Variants in PEPD observed in about 807,000 individuals in gnomAD.
PEPD encodes xaa-Pro dipeptidase.
Under a neutral mutation model 60.7 loss-of-function variants are expected in PEPD, and 53 were observed. The observed-to-expected ratio is 0.87, with a 90% CI of 0.70 to 1.10. The LOEUF is 1.10. PEPD is among the 50% of genes least tolerant of loss of function. The pLI is 0.00. For synonymous variants in PEPD, 267 were observed against 284.1 expected, an observed-to-expected ratio of 0.94 and a Z score of 0.60; for missense variants, 711 against 711.9, an observed-to-expected ratio of 1.00 and a Z score of 0.01.
chr19:33,413,214 C>T (rs545491014), intron 10 of PEPD, among the ~76,000 whole-genome samples: 34 of 152,368 alleles, frequency 2.2e-4, no homozygotes, highest in African/African-American at 7.9e-4. Flanking sequence ...AGCTGCCCAG[C>T]CTGAGCTCAC....
intron 4 of PEPD, among the ~76,000 whole-genome samples, chr19:33,498,959 A>G (rs1970659783): frequency 6.6e-6 from 1 of 152,174 alleles, no homozygotes; most frequent in Non-Finnish European, 1.5e-5. Context: ...AGAGACCTGA[A>G]GGGTCAAGGT....
At chr19:33,396,817 GGAGCTCCAGGGTGGCTGCAGGGACT>G (rs1379935050) in intron 12 of PEPD, among the ~76,000 whole-genome samples, 3 of 152,116 alleles carry the variant, frequency 2.0e-5, no homozygotes, top group Non-Finnish European at 2.9e-5. Flanking sequence ...GGGGTCCTCT[GGAGCTCCAGGGTGGCTGCAGGGACT>G]GAGCCCGCGG....
In PEPD at chr19:33,493,299, G is replaced by A. The variant is rs750044618; in HGVS notation, c.432C>T (p.Leu144=). Residue 144 remains leucine, a synonymous_variant, in exon 5 of 15, where the codon CTC becomes CTT. Coordinates refer to ENST00000244137, the MANE Select transcript of PEPD (RefSeq NM_000285.4). ...GACACCAGCCACTTACCAAAGTGAGGAGGACAGAGGGCTTCTGTGACGTCA... is the reference window on the plus strand; with the variant it reads ...GACACCAGCCACTTACCAAAGTGAGAAGGACAGAGGGCTTCTGTGACGTCA... ...SVLTSQKPSV[L]LTLRGVNTDS... 1.4e-5 allele frequency: 23 copies of A among 1,613,098 alleles called. No individual in the cohort carries two copies. The highest frequency in any genetic ancestry group is 2.2e-5 in the East Asian group (1 of 44,862).
At chr19:33,511,875 T>C (rs1419485170) in intron 2 of PEPD, among the ~76,000 whole-genome samples, 2 of 152,176 alleles carry the variant, frequency 1.3e-5, no homozygotes, top group Non-Finnish European at 2.9e-5. Context: ...GACGGGACCC[T>C]TCAGGCAGGA....
intron 9 of PEPD, among the ~76,000 whole-genome samples, chr19:33,447,760 G>A (rs139758842): frequency 1.1e-3 from 165 of 152,342 alleles, no homozygotes; most frequent in Non-Finnish European, 1.8e-3. Flanking sequence ...GAAGAAGGCA[G>A]CTGTGGCCAG....
chr19:33,402,036 G>A (rs546527349), intron 11 of PEPD, among the ~76,000 whole-genome samples, 167 bp from the exon 12 acceptor site: 91 of 152,230 alleles, frequency 6.0e-4, no homozygotes, highest in African/African-American at 2.1e-3. Flanking sequence ...TGTCTCCCAC[G>A]GGTGCGTGGG....
At chr19:33,441,463 G>T (rs1230568396) in intron 9 of PEPD, among the ~76,000 whole-genome samples, 7 of 152,204 alleles carry the variant, frequency 4.6e-5, no homozygotes, top group Non-Finnish European at 1.0e-4. Context: ...ACAGTCCCGG[G>T]GAGGCCGCCA....
intron 1 of PEPD, among the ~76,000 whole-genome samples, chr19:33,514,913 G>A (rs144409369): frequency 0.017 from 2,632 of 152,012 alleles, 26 homozygotes; most frequent in Middle Eastern, 0.051. Context: ...TCTGTGTATC[G>A]TCCCCTCTCT....
intron 7 of PEPD, among the ~76,000 whole-genome samples, chr19:33,473,068 G>T (rs971648454): frequency 6.6e-6 from 1 of 151,944 alleles, no homozygotes; most frequent in Non-Finnish European, 1.5e-5. Context: ...AGCCAGGGAC[G>T]GGCAGACGTG....
chr19:33,457,660 G>A (rs1235275816), intron 9 of PEPD, among the ~76,000 whole-genome samples: 2 of 152,178 alleles, frequency 1.3e-5, no homozygotes, highest in East Asian at 1.9e-4. Context: ...ACAGGCGCCC[G>A]ACACCTAGCC....
intron 6 of PEPD, among the ~76,000 whole-genome samples, chr19:33,485,506 A>AAAAAAAT (rs1970380799): frequency 6.6e-6 from 1 of 151,836 alleles, no homozygotes; most frequent in African/African-American, 2.4e-5. Flanking sequence ...AAAAAAAAAA[A>AAAAAAAT]AAAGAAGCCA....
chr19:33,435,310 TGGAG>T (rs1195427674), intron 9 of PEPD, among the ~76,000 whole-genome samples: 1 of 151,600 alleles, frequency 6.6e-6, no homozygotes, highest in Non-Finnish European at 1.5e-5. Context: ...GCTTGGAAAA[TGGAG>T]GACCCAGAGC....
chr19:33,487,815 A>G (rs1970424736), intron 6 of PEPD, among the ~76,000 whole-genome samples: 1 of 152,130 alleles, frequency 6.6e-6, no homozygotes, highest in African/African-American at 2.4e-5. Context: ...GGCTCTTGGC[A>G]GAGGCCACAG....
At chr19:33,411,195 A>G (rs1182257758) in intron 11 of PEPD, among the ~76,000 whole-genome samples, 1 of 152,172 alleles carries the variant, frequency 6.6e-6, no homozygotes, top group East Asian at 1.9e-4. Flanking sequence ...TGACTTGCTG[A>G]ACGCAGGGCC....
intron 12 of PEPD, among the ~76,000 whole-genome samples, chr19:33,397,554 G>A (rs8104606): frequency 0.65 from 98,254 of 151,324 alleles, 32,631 homozygotes; most frequent in African/African-American, 0.76. Context: ...GATGGAGTCC[G>A]ACTCTGCCCT....
chr19:33,485,491 T>TAAAAAAAAAAAAAAA (rs908651690), intron 6 of PEPD, among the ~76,000 whole-genome samples: 9 of 110,956 alleles, frequency 8.1e-5, no homozygotes, highest in African/African-American at 2.9e-4. Context: ...AGACTCTGTC[T>TAAAAAAAAAAAAAAA]AAAAAAAAAA....
chr19:33,508,370 G>A (rs1280008012), intron 3 of PEPD, among the ~76,000 whole-genome samples: 1 of 151,524 alleles, frequency 6.6e-6, no homozygotes, highest in Non-Finnish European at 1.5e-5. Context: ...GATGCTGGGA[G>A]AATCCTCCTG....
intron 6 of PEPD, among the ~76,000 whole-genome samples, chr19:33,489,221 C>T (rs904536630): frequency 2.6e-5 from 4 of 152,068 alleles, no homozygotes; most frequent in African/African-American, 7.2e-5. Flanking sequence ...CTCAGCCTGG[C>T]GCTTGGTTAA....
intron 9 of PEPD, among the ~76,000 whole-genome samples, chr19:33,445,070 C>G (rs1969567959): frequency 6.6e-6 from 1 of 152,194 alleles, no homozygotes; most frequent in Admixed American, 6.5e-5. Context: ...CTTTAGCCCA[C>G]AGTGTGATGC....
Sources: allele counts gnomAD v4.1 joint callset (sites outside exome capture counted in the v4.1 genomes callset), GRCh38; gene constraint gnomAD v4.1.1; transcripts MANE v1.5; gene names NCBI Gene and HGNC (gene_info 2026-07-23, HGNC 2026-07-21).